The following SCNN1B variants were observed in gnomAD, a reference collection of about 807,000 sequenced individuals.
The protein encoded by SCNN1B is epithelial sodium channel subunit beta.
In SCNN1B, 46 loss-of-function variants were observed where a neutral mutation model predicts 65.3. The ratio of observed to expected loss-of-function variants is 0.70; its 90% confidence interval spans 0.56 to 0.90. The LOEUF (loss-of-function observed/expected upper bound fraction) is 0.90, where lower values mean the gene tolerates loss of function less well. Ranked by LOEUF, SCNN1B falls within the 40% of genes least tolerant of loss-of-function variation. The pLI, the probability that SCNN1B is intolerant of heterozygous loss-of-function variation, is 0.00. For missense variants in SCNN1B, 751 were observed against 830.5 expected (o/e 0.90, Z 1.18); for synonymous variants, 349 against 330.6 (o/e 1.06, Z -0.60).
rs369198235 is a variant in SCNN1B, at chr16:23,355,489, G to T, written c.776G>T (p.Arg259Leu). The T allele has an allele frequency of 6.2e-7, 1 of 1,613,940 alleles. No individual in the cohort carries two copies. The highest frequency in any genetic ancestry group is 8.5e-7 in the Non-Finnish European group (1 of 1,180,000). ...TTCGGAGCTGAGCCCTGCAACTACC[G>T]GTGAGAGCCACCCCAAGCCCACCCG... is the stretch of plus-strand genomic sequence containing the variant. ...CLFGAEPCNY[R>L]NFTSIFYPHY... Residue 259 changes from arginine to leucine, a missense_variant and splice_region_variant, in exon 4 of 13, where the codon CGG (arginine) becomes CTG (leucine). Transcript: ENST00000343070.
chr16:23,327,540 GATA>G (rs148550057), intron 1 of SCNN1B, among the ~76,000 whole-genome samples: 10,438 of 151,680 alleles, frequency 0.069, 1,220 homozygotes, highest in African/African-American at 0.24. Flanking sequence ...TCTCAAAAAT[GATA>G]ATAATAATAA....
chr16:23,353,779 A>C (rs1962361435), intron 3 of SCNN1B, among the ~76,000 whole-genome samples: 1 of 152,250 alleles, frequency 6.6e-6, no homozygotes, highest in African/African-American at 2.4e-5. Flanking sequence ...CAGTACAGTC[A>C]CATGCCAAGA....
intron 8 of SCNN1B, 125 bp from the exon 9 acceptor site, chr16:23,377,040 A>G (rs1262119782): frequency 2.3e-6 from 2 of 854,562 alleles, no homozygotes; most frequent in Admixed American, 2.0e-5. Flanking sequence ...TTTTCATGAC[A>G]CCTCCTCCTG....
intron 2 of SCNN1B, among the ~76,000 whole-genome samples, chr16:23,291,692 A>G (rs938664106): frequency 1.1e-4 from 16 of 151,044 alleles, no homozygotes; most frequent in Non-Finnish European, 2.2e-4. Flanking sequence ...CTCTTGCCTC[A>G]GTGTTTCAAG....
At chr16:23,299,214 C>A (rs2141974157), upstream of SCNN1B, among the ~76,000 whole-genome samples, 2 of 152,094 alleles carry the variant, frequency 1.3e-5, 1 homozygote, top group South Asian at 4.2e-4. Context: ...TGCGCACCAC[C>A]ATGCCTGGCT....
chr16:23,379,677 GC>G (rs372308933), intron 11 of SCNN1B, among the ~76,000 whole-genome samples: 17 of 152,318 alleles, frequency 1.1e-4, no homozygotes, highest in African/African-American at 4.1e-4. Context: ...ACTCCGTATA[GC>G]CCAGGCCACC....
chr16:23,285,939 A>G (rs936839472), intron 2 of SCNN1B, among the ~76,000 whole-genome samples: 2 of 152,186 alleles, frequency 1.3e-5, no homozygotes, highest in African/African-American at 4.8e-5. Flanking sequence ...GAGCCACTGC[A>G]CTCCAGCCTG....
intron 1 of SCNN1B, among the ~76,000 whole-genome samples, chr16:23,306,355 G>A (rs1961220013): frequency 6.6e-6 from 1 of 152,038 alleles, no homozygotes; most frequent in African/African-American, 2.4e-5. Flanking sequence ...CGGTTATGTT[G>A]GGCATTAAAT....
intron 1 of SCNN1B, among the ~76,000 whole-genome samples, chr16:23,318,109 A>G (rs2141991750): frequency 1.3e-5 from 2 of 152,328 alleles, no homozygotes; most frequent in African/African-American, 4.8e-5. Flanking sequence ...GTGTCTGGGC[A>G]TTGTGGTGAC....
At chr16:23,292,537 T>C (rs1243255516) in intron 2 of SCNN1B, among the ~76,000 whole-genome samples, 1 of 151,676 alleles carries the variant, frequency 6.6e-6, no homozygotes, top group Non-Finnish European at 1.5e-5. Flanking sequence ...ACGGTCTCAC[T>C]CTGTTGCCCA....
chr16:23,348,397 A>AGATG lies in SCNN1B; in HGVS notation c.-8-183_-8-180dup, dbSNP rs1322039241. On this transcript the variant is annotated intron_variant, in intron 1 of 12. Coordinates refer to ENST00000343070, the MANE Select transcript of SCNN1B (RefSeq NM_000336.3). This position sits in a 1 kb window ranked among gnomAD's most constrained non-coding sequence, Gnocchi z 4.5. The stretch of plus-strand genomic sequence containing the variant: ...TTCAATAAATGCATTTTGGTTGATT[A>AGATG]GATGGATGGATGGATTGATGACAGA... Among the ~76,000 whole-genome samples, 1 of 147,120 alleles carries AGATG rather than the reference A, an allele frequency of 6.8e-6. No homozygotes were observed.
Position 23,295,472 on chromosome 16 carries a change from C to T in SCNN1B, n.178+11668C>T, listed in dbSNP as rs548389447. On this transcript the variant is annotated intron_variant and non_coding_transcript_variant, in intron 2 of 3. Transcript: ENST00000569789. Reference sequence around the variant, plus strand: ...TCAAGCAATCCTCCCATATCAGCCTCCCAAGTAGCTGGGACTACAGGCACA... The same window carrying T: ...TCAAGCAATCCTCCCATATCAGCCTTCCAAGTAGCTGGGACTACAGGCACA... Among the ~76,000 whole-genome samples the T allele has an allele frequency of 1.5e-3, 222 of 152,268 alleles. 1 individual carries two copies. Among genetic ancestry groups the T allele is most frequent in the African/African-American group, 5.2e-3 (214 of 41,546 alleles).
intron 1 of SCNN1B, among the ~76,000 whole-genome samples, chr16:23,320,141 C>T (rs964107899): frequency 1.3e-5 from 2 of 152,188 alleles, no homozygotes; most frequent in African/African-American, 4.8e-5. Context: ...GCTTTTGCGT[C>T]TCTAACAAGC....
chr16:23,373,080 C>G (rs928778793), intron 7 of SCNN1B, among the ~76,000 whole-genome samples: 1 of 152,108 alleles, frequency 6.6e-6, no homozygotes, highest in Non-Finnish European at 1.5e-5. Flanking sequence ...GCACTCCAGC[C>G]TGAGTGACAG....
At chr16:23,298,428 A>G (rs1459552191), upstream of SCNN1B, among the ~76,000 whole-genome samples, 1 of 152,114 alleles carries the variant, frequency 6.6e-6, no homozygotes, top group East Asian at 1.9e-4. Flanking sequence ...ATTTATACCC[A>G]CTTTTAATGA....
chr16:23,279,099 T>C (rs2369431), intron 1 of SCNN1B, among the ~76,000 whole-genome samples: 74,065 of 150,920 alleles, frequency 0.49, 21,521 homozygotes, highest in African/African-American at 0.82. Context: ...GTGTGTGTGA[T>C]GGGGGCTGAC....
At chr16:23,331,312 C>G (rs1961807253) in intron 1 of SCNN1B, among the ~76,000 whole-genome samples, 1 of 150,048 alleles carries the variant, frequency 6.7e-6, no homozygotes, top group Non-Finnish European at 1.5e-5. Flanking sequence ...GGCCAGGGAG[C>G]TTTTCCTAGT....
intron 1 of SCNN1B, chr16:23,283,595 C>T (rs1028867116): frequency 6.6e-6 from 1 of 152,134 alleles, no homozygotes; most frequent in Non-Finnish European, 1.5e-5. Flanking sequence ...GGCATTTGCA[C>T]CATGGTAAAG....
intron 3 of SCNN1B, among the ~76,000 whole-genome samples, chr16:23,353,972 C>T (rs755629593): frequency 6.6e-6 from 1 of 152,196 alleles, no homozygotes; most frequent in Non-Finnish European, 1.5e-5. Context: ...TCTGTATTGA[C>T]AACAGGCTCC....
Sources: gnomAD v4.1 joint callset for allele counts (sites outside exome capture counted in the v4.1 genomes callset) on GRCh38, gnomAD v4.1.1 for gene constraint, Gnocchi (gnomAD v3.1) non-coding constraint, MANE v1.5 for transcripts, NCBI Gene and HGNC (gene_info 2026-07-23, HGNC 2026-07-21) for gene names.